The following XYLT1 variants were observed in gnomAD, a reference collection of about 807,000 sequenced individuals.
XYLT1 encodes beta-D-xylosyltransferase 1.
A neutral mutation model predicts 91.3 loss-of-function variants in XYLT1; 36 were observed. That is an observed-to-expected ratio of 0.39 (90% CI 0.30 to 0.52). XYLT1 has a LOEUF of 0.52. Ranked by LOEUF, XYLT1 falls within the 20% of genes least tolerant of loss-of-function variation. The pLI, the probability that XYLT1 is intolerant of heterozygous loss-of-function variation, is 0.68. For missense variants in XYLT1, 1,242 were observed against 1,284.5 expected, an observed-to-expected ratio of 0.97 and a Z score of 0.51; for synonymous variants, 588 against 532.0, an observed-to-expected ratio of 1.11 and a Z score of -1.45.
intron 1 of XYLT1, among the ~76,000 whole-genome samples, chr16:17,440,784 A>C (rs2036523287): frequency 6.6e-6 from 1 of 152,224 alleles, no homozygotes; most frequent in Non-Finnish European, 1.5e-5. Flanking sequence ...TACGATCTAT[A>C]ATAACCCAGG....
chr16:17,205,642 A>G (rs749798281), intron 3 of XYLT1, among the ~76,000 whole-genome samples: 2 of 152,210 alleles, frequency 1.3e-5, no homozygotes, highest in Non-Finnish European at 2.9e-5. Context: ...CACGATGATC[A>G]GGATTTAACC....
intron 1 of XYLT1, among the ~76,000 whole-genome samples, chr16:17,436,421 C>T (rs1394633688): frequency 2.0e-5 from 3 of 152,148 alleles, no homozygotes; most frequent in Non-Finnish European, 4.4e-5. Context: ...GCCTTGCTTT[C>T]AGGAGTTTGC....
intron 2 of XYLT1, among the ~76,000 whole-genome samples, chr16:17,288,074 C>A (rs2034167744): frequency 6.6e-6 from 1 of 151,522 alleles, no homozygotes; most frequent in Non-Finnish European, 1.5e-5. Context: ...AGACTACAGG[C>A]ATACACCACC....
intron 1 of XYLT1, among the ~76,000 whole-genome samples, chr16:17,378,268 C>T (rs1257889172): frequency 6.6e-6 from 1 of 151,558 alleles, no homozygotes; most frequent in East Asian, 1.9e-4. Flanking sequence ...GACTGCAGTT[C>T]CCATACCAAA....
chr16:17,270,584 G>A (rs1412754610), intron 2 of XYLT1, among the ~76,000 whole-genome samples: 1 of 152,218 alleles, frequency 6.6e-6, no homozygotes, highest in Non-Finnish European at 1.5e-5. Context: ...GGAAGGAAAT[G>A]CAAGAGAAAA....
At chr16:17,410,369 G>T (rs2036091824) in intron 1 of XYLT1, among the ~76,000 whole-genome samples, 2 of 152,174 alleles carry the variant, frequency 1.3e-5, no homozygotes, top group South Asian at 2.1e-4. Context: ...GTTCCATGTG[G>T]CTGGAGAGGC....
chr16:17,433,147 G>A (rs1419450019), intron 1 of XYLT1, among the ~76,000 whole-genome samples: 1 of 152,160 alleles, frequency 6.6e-6, no homozygotes, highest in African/African-American at 2.4e-5. Context: ...AACTTGCTAA[G>A]TGGAGAGCCA....
At chr16:17,439,357 A>G (rs1011933705) in intron 1 of XYLT1, among the ~76,000 whole-genome samples, 1 of 152,194 alleles carries the variant, frequency 6.6e-6, no homozygotes, top group African/African-American at 2.4e-5. Flanking sequence ...CTAGAACCTC[A>G]TCAGAAACCA....
intron 2 of XYLT1, among the ~76,000 whole-genome samples, chr16:17,326,629 C>T (rs1282796683): frequency 1.3e-5 from 2 of 151,950 alleles, no homozygotes; most frequent in African/African-American, 4.8e-5. Flanking sequence ...CGAGACCATC[C>T]TGGCTGAAAC....
intron 3 of XYLT1, among the ~76,000 whole-genome samples, chr16:17,228,301 C>T (rs988104827): frequency 3.3e-5 from 5 of 152,168 alleles, no homozygotes; most frequent in Admixed American, 6.5e-5. Context: ...TGAATAATCC[C>T]CTGCACATTT....
intron 1 of XYLT1, among the ~76,000 whole-genome samples, chr16:17,378,482 T>C (rs1355412258): frequency 6.6e-6 from 1 of 152,232 alleles, no homozygotes; most frequent in African/African-American, 2.4e-5. Context: ...GATCTTTTAA[T>C]ATATGACTGC....
chr16:17,210,184 T>C (rs113761075), intron 3 of XYLT1, among the ~76,000 whole-genome samples: 10,871 of 152,226 alleles, frequency 0.071, 482 homozygotes, highest in South Asian at 0.17. Flanking sequence ...ATGCATCCCA[T>C]GTCCATCTAA....
chr16:17,306,870 C>G (rs1190743271), intron 2 of XYLT1, among the ~76,000 whole-genome samples: 1 of 152,104 alleles, frequency 6.6e-6, no homozygotes, highest in Admixed American at 6.6e-5. Context: ...AGCCCCTTCA[C>G]TATGCAGAGG....
intron 2 of XYLT1, among the ~76,000 whole-genome samples, chr16:17,333,113 AAC>A (rs554066086): frequency 1.1e-3 from 166 of 152,240 alleles, no homozygotes; most frequent in African/African-American, 3.8e-3. Flanking sequence ...ATGGAAAAAA[AAC>A]TGTGTTCCGG....
chr16:17,449,291 T>G (rs1295628663), intron 1 of XYLT1, among the ~76,000 whole-genome samples: 2 of 152,262 alleles, frequency 1.3e-5, no homozygotes, highest in African/African-American at 4.8e-5. Flanking sequence ...AGTAGCCAGC[T>G]TCTCACTGCT....
chr16:17,176,576 C>T (rs368304861), intron 5 of XYLT1, among the ~76,000 whole-genome samples: 80 of 152,284 alleles, frequency 5.3e-4, no homozygotes, highest in Middle Eastern at 3.4e-3. Flanking sequence ...AAATTCCTGC[C>T]GACTAGCAGA....
intron 3 of XYLT1, chr16:17,227,635 T>A (rs1220651214): frequency 6.6e-6 from 1 of 152,244 alleles, no homozygotes. Context: ...CCTTGTTTGA[T>A]GAGGGTTTTC....
chr16:17,316,432 T>C (rs1371253412), intron 2 of XYLT1, among the ~76,000 whole-genome samples: 1 of 152,170 alleles, frequency 6.6e-6, no homozygotes, highest in African/African-American at 2.4e-5. Flanking sequence ...AGTCTCTCTC[T>C]GTCGCCCCGG....
At chr16:17,274,703 AAG>A (rs1401172491) in intron 2 of XYLT1, among the ~76,000 whole-genome samples, 1 of 152,144 alleles carries the variant, frequency 6.6e-6, no homozygotes, top group Non-Finnish European at 1.5e-5. Context: ...TCATCTTGAG[AAG>A]AAAGGAGCAA....
Sources: gnomAD v4.1 joint callset for allele counts (sites outside exome capture counted in the v4.1 genomes callset) on GRCh38, gnomAD v4.1.1 for gene constraint, MANE v1.5 for transcripts, NCBI Gene and HGNC (gene_info 2026-07-23, HGNC 2026-07-21) for gene names.